Variants in NREP observed in about 807,000 individuals in gnomAD.
NREP encodes the protein neuronal regeneration related protein.
In NREP, 5 loss-of-function variants were observed where a neutral mutation model predicts 8.6. The ratio of observed to expected loss-of-function variants is 0.58; its 90% CI spans 0.30 to 1.22. NREP has a LOEUF of 1.22. NREP is among the 50% of genes most tolerant of loss of function. The probability of loss-of-function intolerance (pLI) is 0.07; values close to 1 mark genes in which losing one functional copy is unlikely to be tolerated. For synonymous variants in NREP, 27 were observed against 28.0 expected (o/e 0.96, Z 0.11); for missense variants, 86 against 82.5 (o/e 1.04, Z -0.17).
intron 2 of NREP, among the ~76,000 whole-genome samples, chr5:111,858,855 A>G (rs1412976815): frequency 6.6e-6 from 1 of 152,148 alleles, no homozygotes; most frequent in East Asian, 1.9e-4. Flanking sequence ...AGCATCAACC[A>G]CCAACAAGAA....
At chr5:111,949,241 C>T (rs1756083908) in intron 2 of NREP, among the ~76,000 whole-genome samples, 1 of 152,070 alleles carries the variant, frequency 6.6e-6, no homozygotes, top group Non-Finnish European at 1.5e-5. Flanking sequence ...AAACATGGAA[C>T]ATGTGGGCCA....
At chr5:111,795,591 C>G (rs1320344599) in intron 2 of NREP, among the ~76,000 whole-genome samples, 1 of 152,162 alleles carries the variant, frequency 6.6e-6, no homozygotes, top group Non-Finnish European at 1.5e-5. Flanking sequence ...TTTTACTATT[C>G]TTATTAATAT....
intron 3 of NREP, chr5:111,734,833 T>C: frequency 1.8e-6 from 1 of 554,662 alleles, no homozygotes. Flanking sequence ...GTCCAGTATC[T>C]ACAGTAAAAA....
chr5:111,976,868 A>G (rs756740246), exon 1 of NREP: 10 of 671,622 alleles, frequency 1.5e-5, no homozygotes, highest in Non-Finnish European at 2.6e-5. Flanking sequence ...GTTTCTTTTG[A>G]TAAATAGCAT....
chr5:111,772,159 G>A (rs573936098), intron 2 of NREP, among the ~76,000 whole-genome samples: 2 of 152,274 alleles, frequency 1.3e-5, no homozygotes, highest in East Asian at 3.9e-4. Flanking sequence ...ATTACTGTGT[G>A]AAAATTTACA....
At chr5:111,757,781 C>T (rs1234269142), upstream of NREP, 4 of 976,422 alleles carry the variant, frequency 4.1e-6, no homozygotes, top group African/African-American at 5.3e-5. Context: ...CCGCCCCCGG[C>T]CAGCCTCTCC....
At chr5:111,783,462 C>A (rs976885800) in intron 2 of NREP, among the ~76,000 whole-genome samples, 2 of 152,156 alleles carry the variant, frequency 1.3e-5, no homozygotes, top group Non-Finnish European at 2.9e-5. Flanking sequence ...TGGACTGCAA[C>A]GAAATGAAAG....
At chr5:111,865,596 G>T (rs567052821) in intron 2 of NREP, among the ~76,000 whole-genome samples, 66 of 152,244 alleles carry the variant, frequency 4.3e-4, no homozygotes, top group Non-Finnish European at 8.2e-4. Flanking sequence ...ATAGAGAGCT[G>T]CCTGAAAAGA....
At chr5:111,853,744 T>C (rs966434154) in intron 2 of NREP, among the ~76,000 whole-genome samples, 2 of 151,924 alleles carry the variant, frequency 1.3e-5, no homozygotes, top group Non-Finnish European at 2.9e-5. Context: ...GGGAGATAAG[T>C]GAAAGAAAAG....
chr5:111,742,744 G>A (rs1048362319), intron 2 of NREP, among the ~76,000 whole-genome samples: 3 of 152,040 alleles, frequency 2.0e-5, no homozygotes, highest in Admixed American at 6.6e-5. Context: ...TAGTGAACAC[G>A]GAGGTCAGCT....
intron 3 of NREP, chr5:111,734,835 C>T (rs1157454019): frequency 3.7e-6 from 2 of 538,836 alleles, no homozygotes; most frequent in Admixed American, 6.3e-5. Context: ...CCAGTATCTA[C>T]AGTAAAAACT....
At chr5:111,967,199 T>C (rs1449709510) in intron 2 of NREP, among the ~76,000 whole-genome samples, 2 of 152,200 alleles carry the variant, frequency 1.3e-5, no homozygotes, top group African/African-American at 2.4e-5. Context: ...ACCTAGTGGA[T>C]AGAGCTCAAC....
At chr5:111,771,888 T>C (rs893920573) in intron 2 of NREP, among the ~76,000 whole-genome samples, 3 of 152,158 alleles carry the variant, frequency 2.0e-5, no homozygotes, top group African/African-American at 7.2e-5. Context: ...CTAAGAACTA[T>C]ATTACTTCGA....
At chr5:111,890,880 T>C (rs74414650) in intron 2 of NREP, among the ~76,000 whole-genome samples, 19,763 of 152,264 alleles carry the variant, frequency 0.13, 1,728 homozygotes, top group African/African-American at 0.24. Flanking sequence ...GCCTCTGCAA[T>C]GCCTTTGAGG....
chr5:111,880,888 G>C (rs1323970441), intron 2 of NREP, among the ~76,000 whole-genome samples: 1 of 150,924 alleles, frequency 6.6e-6, no homozygotes, highest in Non-Finnish European at 1.5e-5. Context: ...ACAGCTCCCA[G>C]CGTGAGCAAC....
At chr5:111,965,046 A>G (rs1756603681) in intron 2 of NREP, among the ~76,000 whole-genome samples, 2 of 152,078 alleles carry the variant, frequency 1.3e-5, no homozygotes, top group African/African-American at 4.8e-5. Flanking sequence ...TCCATCTTCC[A>G]CTGTGCCATC....
chr5:111,925,754 G>A (rs1263803552), intron 2 of NREP, among the ~76,000 whole-genome samples: 1 of 152,150 alleles, frequency 6.6e-6, no homozygotes, highest in African/African-American at 2.4e-5. Context: ...TAAGAAGTTT[G>A]GCCCCAGTTT....
At chr5:111,949,270 A>AG (rs1359408056) in intron 2 of NREP, among the ~76,000 whole-genome samples, 1 of 152,050 alleles carries the variant, frequency 6.6e-6, no homozygotes, top group African/African-American at 2.4e-5. Flanking sequence ...AATGAGACAA[A>AG]GAGTTGAGGT....
chr5:111,976,276 C>T (rs1422561080), intron 1 of NREP, among the ~76,000 whole-genome samples: 1 of 152,184 alleles, frequency 6.6e-6, no homozygotes, highest in African/African-American at 2.4e-5. Flanking sequence ...AATATTTGTT[C>T]TATGGCATCT....
Sources: gnomAD v4.1 joint callset for allele counts (sites outside exome capture counted in the v4.1 genomes callset) on GRCh38, gnomAD v4.1.1 for gene constraint, MANE v1.5 for transcripts, NCBI Gene and HGNC (gene_info 2026-07-23, HGNC 2026-07-21) for gene names.